Variants in RTTN observed in about 807,000 individuals in gnomAD.
RTTN encodes rotatin.
Under a neutral mutation model 269.2 loss-of-function variants are expected in RTTN, and 182 were observed. The ratio of observed to expected loss-of-function variants is 0.68; its 90% CI spans 0.60 to 0.76. RTTN has a LOEUF of 0.76. Among genes scored for constraint, RTTN ranks in the 30% least tolerant of loss-of-function variants. The pLI is 0.00. For synonymous variants in RTTN, 1,006 were observed against 963.5 expected, an observed-to-expected ratio of 1.04 and a Z score of -0.82; for missense variants, 2,545 against 2,608.6, an observed-to-expected ratio of 0.98 and a Z score of 0.53.
chr18:70,135,729 A>C (rs2060109283), intron 21 of RTTN, among the ~76,000 whole-genome samples: 1 of 152,202 alleles, frequency 6.6e-6, no homozygotes, highest in East Asian at 1.9e-4. Flanking sequence ...GTGATCACAG[A>C]ACTTGGATTT....
At chr18:70,014,937 C>T (rs2056495340) in intron 46 of RTTN, among the ~76,000 whole-genome samples, 1 of 152,204 alleles carries the variant, frequency 6.6e-6, no homozygotes, top group Non-Finnish European at 1.5e-5. Context: ...GCAAGACTTT[C>T]AATCAAAACT....
intron 27 of RTTN, among the ~76,000 whole-genome samples, chr18:70,113,275 C>T (rs200142389): frequency 6.6e-6 from 1 of 152,168 alleles, no homozygotes; most frequent in African/African-American, 2.4e-5. Flanking sequence ...AGAAGATACA[C>T]AAATAGCCAT....
chr18:70,033,570 A>G (rs1455449117), intron 40 of RTTN, among the ~76,000 whole-genome samples: 3 of 152,216 alleles, frequency 2.0e-5, no homozygotes, highest in Admixed American at 6.5e-5. Context: ...GACACAGCTA[A>G]GGCAGTGTTA....
At chr18:70,050,478 G>A (rs190008169) in intron 39 of RTTN, among the ~76,000 whole-genome samples, 2 of 152,294 alleles carry the variant, frequency 1.3e-5, no homozygotes, top group Admixed American at 6.5e-5. Context: ...GCTGGTGGGA[G>A]TATAAGTTAG....
intron 32 of RTTN, among the ~76,000 whole-genome samples, chr18:70,083,231 C>T (rs113703457): frequency 1.3e-5 from 2 of 152,236 alleles, no homozygotes; most frequent in African/African-American, 4.8e-5. Context: ...TTGGTGACCA[C>T]CCCACTTCCA....
At chr18:70,012,640 GCA>G (rs1185403264) in intron 46 of RTTN, among the ~76,000 whole-genome samples, 2 of 149,342 alleles carry the variant, frequency 1.3e-5, no homozygotes, top group African/African-American at 2.5e-5. Context: ...ATTAGTTACA[GCA>G]CAGTGTCTGC....
At chr18:70,086,872 C>T (rs937921656) in intron 31 of RTTN, among the ~76,000 whole-genome samples, 188 bp from the exon 32 acceptor site, 1 of 152,056 alleles carries the variant, frequency 6.6e-6, no homozygotes, top group East Asian at 1.9e-4. Flanking sequence ...TAGGTGATGA[C>T]CTTCTTAGGT....
Position 70,092,147 on chromosome 18 carries a change from G to T in RTTN, c.4106C>A (p.Ala1369Asp). 6.2e-7 allele frequency: 1 copy of T among 1,613,326 alleles called. No individual in the cohort carries two copies. The highest frequency in any genetic ancestry group is 8.5e-7 in the Non-Finnish European group (1 of 1,179,442). ...ATCAACCCATAATGGAATCAACCAA[G>T]CCAATCCTTGTTGAGTAGGAATATG... is the stretch of plus-strand genomic sequence containing the variant. ...EEHIPTQQGL[A>D]WLIPLWVDRD... The change falls in exon 30 of 49, where the codon GCT (alanine) becomes GAT (aspartate). Residue 1369 changes from alanine to aspartate, a missense_variant. Coordinates refer to ENST00000640769, the MANE Select transcript of RTTN (RefSeq NM_173630.4).
chr18:70,110,046 A>G (rs2059422197), intron 27 of RTTN, among the ~76,000 whole-genome samples: 1 of 151,940 alleles, frequency 6.6e-6, no homozygotes, highest in African/African-American at 2.4e-5. Context: ...CTCATTTCTA[A>G]AAAAATGAAA....
At chr18:70,026,446 GCTCT>G (rs920349899) in intron 43 of RTTN, among the ~76,000 whole-genome samples, 3 of 152,078 alleles carry the variant, frequency 2.0e-5, no homozygotes, top group Admixed American at 6.6e-5. Flanking sequence ...CTCCTCGCCA[GCTCT>G]CTCACTCTTG....
chr18:70,194,822 AT>A (rs2061763954), intron 7 of RTTN: 1 of 152,218 alleles, frequency 6.6e-6, no homozygotes, highest in Non-Finnish European at 1.5e-5. Flanking sequence ...CTGCTTAATG[AT>A]TAGAGTTTCT....
At chr18:70,066,057 T>A in intron 34 of RTTN, 135 bp from the exon 35 acceptor site, 1 of 482,138 alleles carries the variant, frequency 2.1e-6, no homozygotes. Flanking sequence ...TAGAAAAGAT[T>A]CCATATCTTG....
At chr18:70,098,568 TAGAC>T (rs1329890641) in intron 28 of RTTN, among the ~76,000 whole-genome samples, 3 of 152,196 alleles carry the variant, frequency 2.0e-5, no homozygotes, top group Non-Finnish European at 2.9e-5. Context: ...ACATTTCTAA[TAGAC>T]AGCAGAAAAT....
At chr18:70,022,204 C>T (rs778275762) in intron 44 of RTTN, among the ~76,000 whole-genome samples, 2 of 152,150 alleles carry the variant, frequency 1.3e-5, no homozygotes, top group African/African-American at 4.8e-5. Flanking sequence ...CTCACATCAC[C>T]TCTACTCCTT....
Position 70,064,614 on chromosome 18 carries a change from C to T in RTTN, c.4747+1215G>A, listed in dbSNP as rs116092040. 2.6e-3 allele frequency among the ~76,000 whole-genome samples: 397 copies of T among 152,094 alleles called. 1 individual carries two copies. The highest frequency in any genetic ancestry group is 9.0e-3 in the African/African-American group (375 of 41,474). On this transcript the variant is annotated intron_variant, in intron 35 of 48. Coordinates refer to ENST00000640769, the MANE Select transcript of RTTN (RefSeq NM_173630.4). ...ACCATGTTATATGATTCCATTCATA[C>T]AAAATGTCCAAAACGGGCAAATCTA... is the stretch of plus-strand genomic sequence containing the variant.
intron 21 of RTTN, among the ~76,000 whole-genome samples, chr18:70,139,309 C>T (rs1303046017): frequency 1.3e-5 from 2 of 152,144 alleles, no homozygotes; most frequent in Non-Finnish European, 2.9e-5. Flanking sequence ...GCAACTTTCT[C>T]TCTTTATAGA....
intron 39 of RTTN, among the ~76,000 whole-genome samples, chr18:70,049,896 G>T (rs8084957): frequency 0.77 from 116,719 of 152,134 alleles, 50,578 homozygotes; most frequent in East Asian, 1. Context: ...AAAGTTATTT[G>T]TATCCTAACT....
intron 38 of RTTN, among the ~76,000 whole-genome samples, chr18:70,053,753 T>G (rs1322023927): frequency 2.0e-5 from 3 of 152,260 alleles, no homozygotes; most frequent in Non-Finnish European, 2.9e-5. Flanking sequence ...TTCAATAATT[T>G]AGGACCTTAG....
At chr18:70,160,814 A>T (rs1009165309) in intron 14 of RTTN, among the ~76,000 whole-genome samples, 2 of 152,168 alleles carry the variant, frequency 1.3e-5, no homozygotes, top group African/African-American at 4.8e-5. Context: ...CCAAATCACA[A>T]TGAGAATTGT....
Sources: allele counts gnomAD v4.1 joint callset (sites outside exome capture counted in the v4.1 genomes callset), GRCh38; gene constraint gnomAD v4.1.1; transcripts MANE v1.5; gene names NCBI Gene and HGNC (gene_info 2026-07-23, HGNC 2026-07-21).